RBM43: variants seen among roughly 807,000 people sequenced by gnomAD.
The protein encoded by RBM43 is RNA-binding protein 43.
RBM43 carries 12 observed loss-of-function variants against 12.4 expected under a neutral mutation model. That is an observed-to-expected ratio of 0.97 (90% confidence interval 0.62 to 1.57). The LOEUF (loss-of-function observed/expected upper bound fraction) is 1.57, where lower values mean the gene tolerates loss of function less well. RBM43 is among the 40% of genes most tolerant of loss of function. The pLI, the probability that RBM43 is intolerant of heterozygous loss-of-function variation, is 0.00. For synonymous variants in RBM43, 138 were observed against 145.7 expected, an observed-to-expected ratio of 0.95 and a Z score of 0.38; for missense variants, 348 against 400.1, an observed-to-expected ratio of 0.87 and a Z score of 1.11.
intron 1 of RBM43, among the ~76,000 whole-genome samples, chr2:151,258,759 A>G (rs1274191668): frequency 2.0e-5 from 3 of 152,198 alleles, no homozygotes; most frequent in Non-Finnish European, 4.4e-5. Context: ...TGTATATCCC[A>G]GAGCAAGTTC....
intron 1 of RBM43, chr2:151,261,517 G>C (rs1364082584): frequency 1.3e-6 from 2 of 1,549,480 alleles, no homozygotes; most frequent in Admixed American, 3.9e-5. Context: ...CACCTGGGAA[G>C]GGTGCAGCGA....
chr2:151,256,292 T>A (rs922331433), intron 1 of RBM43, among the ~76,000 whole-genome samples: 1 of 152,118 alleles, frequency 6.6e-6, no homozygotes, highest in Non-Finnish European at 1.5e-5. Context: ...AAATATTGGT[T>A]AATATTTGTC....
chr2:151,253,501 C>T (rs763924358), intron 2 of RBM43, among the ~76,000 whole-genome samples: 6 of 152,166 alleles, frequency 3.9e-5, no homozygotes, highest in South Asian at 2.1e-4. Flanking sequence ...TATTCTATCC[C>T]CAGTGTTCTC....
At chr2:151,255,141 G>A (rs1350012735) in intron 2 of RBM43, among the ~76,000 whole-genome samples, 6 of 152,094 alleles carry the variant, frequency 3.9e-5, no homozygotes, top group Non-Finnish European at 5.9e-5. Context: ...TTAGCCAGGC[G>A]TGGTGGCTCA....
intron 1 of RBM43, 40 bp from the exon 2 acceptor site, chr2:151,255,783 A>C: frequency 7.4e-7 from 1 of 1,345,516 alleles, no homozygotes; most frequent in Non-Finnish European, 1.1e-6. Flanking sequence ...AAAACACAAG[A>C]CTCTATATAA....
chr2:151,256,882 C>T (rs1682982552), intron 1 of RBM43, among the ~76,000 whole-genome samples: 1 of 152,186 alleles, frequency 6.6e-6, no homozygotes, highest in African/African-American at 2.4e-5. Flanking sequence ...GGAGTAAAGC[C>T]TGACTTCCAG....
intron 2 of RBM43, 140 bp from the exon 3 acceptor site, chr2:151,252,995 CT>C: frequency 1.9e-6 from 1 of 538,866 alleles, no homozygotes; most frequent in Non-Finnish European, 3.3e-6. Context: ...ATTCAAATCA[CT>C]TTTTTGTTGC....
intron 1 of RBM43, among the ~76,000 whole-genome samples, chr2:151,259,882 T>C (rs913316650): frequency 6.6e-6 from 1 of 150,902 alleles, no homozygotes; most frequent in African/African-American, 2.4e-5. Context: ...TTTGTTTGTT[T>C]TGAGATGGAG....
intron 1 of RBM43, 172 bp downstream of exon 1, chr2:151,261,553 G>C: frequency 1.9e-6 from 3 of 1,544,132 alleles, no homozygotes; most frequent in South Asian, 1.2e-5. Flanking sequence ...GCCCGCCGGG[G>C]TGGACGGCTC....
rs190985950 is a variant in RBM43 at position 151,258,344 on chromosome 2, G to A, written c.4-2601C>T. On this transcript the variant is annotated intron_variant, in intron 1 of 3. Coordinates refer to ENST00000331426, the MANE Select transcript of RBM43 (RefSeq NM_198557.3). ...AACATGCTGTAATGAAGGCAGCTGG[G>A]CCAAACCACAAGGAAAAAAACTTGA... Among the ~76,000 whole-genome samples the A allele has an allele frequency of 6.6e-5, 10 of 150,798 alleles. No homozygotes were observed. The East Asian group carries it at 1.8e-3, about 26-fold the overall frequency.
chr2:151,252,481 C>A (rs1682914836), intron 3 of RBM43, among the ~76,000 whole-genome samples: 1 of 152,156 alleles, frequency 6.6e-6, no homozygotes, highest in Non-Finnish European at 1.5e-5. Context: ...CAAGATTATG[C>A]CACTGCCTGG....
rs766662564 is a variant in RBM43 at position 151,251,615 on chromosome 2, T to G, written c.365A>C (p.Glu122Ala). ...TTTTACCAGAGTTTCTAGAGTAACTTCTTTTCCAAAAACAGAAAGATCAAG... is the reference window on the plus strand; with the variant it reads ...TTTTACCAGAGTTTCTAGAGTAACTGCTTTTCCAAAAACAGAAAGATCAAG... ...AILDLSVFGK[E>A]VTLETLVKDL... Residue 122 changes from glutamate (E) to alanine (A), a missense_variant, in exon 4 of 4, where the codon GAA (glutamate) becomes GCA (alanine). By Grantham distance (107) the Glu-to-Ala change is moderately radical (BLOSUM62 -1). Transcript: ENST00000331426. The G allele has an allele frequency of 1.2e-6, 2 of 1,612,776 alleles. No individual in the cohort carries two copies. The highest frequency in any genetic ancestry group is 8.5e-7 in the Non-Finnish European group (1 of 1,179,684).
rs1175334832 is a variant in RBM43 at position 151,261,326 on chromosome 2, C to A, written c.3+399G>T. 19 of 1,550,452 alleles carry A rather than the reference C, an allele frequency of 1.2e-5. No homozygotes were observed. In the Admixed American group the frequency reaches 3.1e-4, roughly 26 times the overall value. On this transcript the variant is annotated intron_variant, in intron 1 of 3. Coordinates refer to ENST00000331426, the MANE Select transcript of RBM43 (RefSeq NM_198557.3). Reference sequence around the variant, plus strand: ...TCTGGCTAATCAGGCCACTTTTGTTCCCCCCGAGGCGTGGGAGGACAACAG... The same window carrying A: ...TCTGGCTAATCAGGCCACTTTTGTTACCCCCGAGGCGTGGGAGGACAACAG...
rs1379183472 is a variant in RBM43 at position 151,252,841 on chromosome 2, T to C, written c.229A>G (p.Ile77Val). The C allele has an allele frequency of 1.3e-6, 2 of 1,596,268 alleles. No homozygotes were observed. The highest frequency in any genetic ancestry group is 1.7e-5 in the Admixed American group (1 of 59,990). ...FKEKKVAENVIRQKKHWLARK... is the reference protein window; with the variant it reads ...FKEKKVAENVVRQKKHWLARK... The stretch of plus-strand genomic sequence containing the variant: ...GCTAGCCAGTGTTTCTTTTGTCTGA[T>C]GACATTCTCTGCAACTAAGTGGAAA... Residue 77 changes from isoleucine to valine, a missense_variant, in exon 3 of 4, where the codon ATC (isoleucine) becomes GTC (valine). Physicochemically the swap from Ile to Val is conservative, Grantham distance 29 (BLOSUM62 3). Coordinates refer to ENST00000331426, the MANE Select transcript of RBM43 (RefSeq NM_198557.3).
intron 1 of RBM43, among the ~76,000 whole-genome samples, chr2:151,259,821 T>C (rs1462231102): frequency 6.6e-6 from 1 of 152,050 alleles, no homozygotes; most frequent in African/African-American, 2.4e-5. Context: ...ACTCACTGCA[T>C]TTGTTTTTAT....
intron 1 of RBM43, among the ~76,000 whole-genome samples, chr2:151,260,099 C>A: frequency 6.6e-6 from 1 of 150,678 alleles, no homozygotes; most frequent in African/African-American, 2.4e-5. Flanking sequence ...CTCCTGACCT[C>A]GTGATCCGCT....
intron 1 of RBM43, among the ~76,000 whole-genome samples, chr2:151,256,801 A>G (rs1005463233): frequency 2.6e-5 from 4 of 152,178 alleles, no homozygotes; most frequent in Admixed American, 2.6e-4. Context: ...CCTGGGAAAC[A>G]AGAGACTCTG....
intron 1 of RBM43, among the ~76,000 whole-genome samples, chr2:151,258,392 A>C (rs1001092907): frequency 6.6e-6 from 1 of 152,022 alleles, no homozygotes; most frequent in Non-Finnish European, 1.5e-5. Context: ...TTTAAAAAAA[A>C]AAAAAAAGGC....
At position 151,261,388 on chromosome 2, in the gene RBM43, A is replaced by G. The variant is rs1485486072; in HGVS notation, c.3+337T>C. On this transcript the variant is annotated intron_variant, in intron 1 of 3. Coordinates refer to ENST00000331426, the MANE Select transcript of RBM43 (RefSeq NM_198557.3). ...CAGCCTGCGAAGCAGCTCCTCGACGAACGGCGGCGTCCCCGTCGCCTGGGC... is the reference window on the plus strand; with the variant it reads ...CAGCCTGCGAAGCAGCTCCTCGACGGACGGCGGCGTCCCCGTCGCCTGGGC... 1.9e-6 allele frequency: 3 copies of G among 1,550,602 alleles called. No individual in the cohort carries two copies. In the East Asian group the frequency reaches 7.3e-5, roughly 38 times the overall value.
Sources: gnomAD v4.1 joint callset for allele counts (sites outside exome capture counted in the v4.1 genomes callset) on GRCh38, gnomAD v4.1.1 for gene constraint, MANE v1.5 for transcripts, NCBI Gene and HGNC (gene_info 2026-07-23, HGNC 2026-07-21) for gene names.